MYOM3: variants seen among roughly 807,000 people sequenced by gnomAD.
MYOM3 encodes myomesin 3, also known as myomesin-3.
MYOM3 carries 155 observed loss-of-function variants against 191.7 expected under a neutral mutation model. That is an observed-to-expected ratio of 0.81 (90% CI 0.71 to 0.92). The LOEUF (loss-of-function observed/expected upper bound fraction) is 0.92. Among genes scored for constraint, MYOM3 ranks in the 40% least tolerant of loss-of-function variants. The pLI is 0.00. For synonymous variants in MYOM3, 757 were observed against 762.9 expected (o/e 0.99, Z 0.13); for missense variants, 1,889 against 1,890.6 (o/e 1.00, Z 0.02).
At position 24,087,053 on chromosome 1, in the gene MYOM3, T is replaced by C. The variant is rs1643759530; in HGVS notation, c.1615-226A>G. 6.6e-6 allele frequency among the ~76,000 whole-genome samples: 1 copy of C among 151,984 alleles called. No homozygotes were observed. The highest frequency in any genetic ancestry group is 2.4e-5 in the African/African-American group (1 of 41,392). ...CCTGTCCACAACGCGGCTCCAGAGC[T>C]TCCCACACCTGCATTGCACTGGTGG... On this transcript the variant is annotated intron_variant, in intron 14 of 36. Coordinates refer to ENST00000374434, the MANE Select transcript of MYOM3 (RefSeq NM_152372.4). The surrounding 1 kb of genome is among the most constrained non-coding windows in gnomAD (Gnocchi z 4.5).
In MYOM3 at chr1:24,062,088, A is replaced by G. The variant is rs569295626; in HGVS notation, c.3792T>C (p.Gly1264=). Residue 1264 remains glycine, a synonymous_variant, in exon 33 of 37, where the codon GGT becomes GGC. Transcript: ENST00000374434. The part of the protein sequence containing the change: ...WFHKDKRLES[G]DRIRTGTTLD... ...GGGTGGTGCCCGTCCTTATCCGATC[A>G]CCACTCTCCAGACGTTTGTCTCTGA... 12 of 1,614,078 alleles carry G rather than the reference A, an allele frequency of 7.4e-6. No individual in the cohort carries two copies. In the South Asian group the frequency reaches 9.9e-5, roughly 13 times the overall value.
chr1:24,080,741 T>C (rs957043465), intron 19 of MYOM3, among the ~76,000 whole-genome samples: 1 of 152,230 alleles, frequency 6.6e-6, no homozygotes, highest in Non-Finnish European at 1.5e-5. Flanking sequence ...TGTTTATAAT[T>C]GTGGTTGTCG....
At chr1:24,109,913 C>T (rs367810582) in intron 1 of MYOM3, among the ~76,000 whole-genome samples, 1 of 152,254 alleles carries the variant, frequency 6.6e-6, no homozygotes, top group Non-Finnish European at 1.5e-5. Flanking sequence ...GTACACATCT[C>T]CTTTGCATTC....
chr1:24,064,303 T>A, intron 29 of MYOM3, 144 bp from the exon 30 acceptor site: 1 of 607,538 alleles, frequency 1.6e-6, no homozygotes, highest in South Asian at 2.0e-5. Context: ...TGGGCCTCCA[T>A]TTACTCATCT....
intron 36 of MYOM3, 87 bp downstream of exon 36, chr1:24,058,837 T>C (rs1643333382): frequency 3.0e-6 from 3 of 994,610 alleles, no homozygotes; most frequent in Non-Finnish European, 4.7e-6. Flanking sequence ...TTTGAATCCA[T>C]GGTGCTGCAT....
Position 24,111,598 on chromosome 1 carries a change from G to A in MYOM3, c.-19+433C>T, listed in dbSNP as rs971148512. 6.6e-6 allele frequency among the ~76,000 whole-genome samples: 1 copy of A among 152,120 alleles called. No homozygotes were observed. Among genetic ancestry groups the A allele is most frequent in the East Asian group, 1.9e-4 (1 of 5,198 alleles). ...TCTAAGATTTGGGATCCGAGGGCTC[G>A]CTCTCTTTCCCTGCCTGTGGGGTTG... On this transcript the variant is annotated intron_variant, in intron 1 of 36. Coordinates refer to ENST00000374434, the MANE Select transcript of MYOM3 (RefSeq NM_152372.4). This position sits in a 1 kb window ranked among gnomAD's most constrained non-coding sequence, Gnocchi z 4.7.
chr1:24,081,640 G>T lies in MYOM3; in HGVS notation c.2281-184C>A, dbSNP rs930256638. On this transcript the variant is annotated intron_variant, in intron 18 of 36. Transcript: ENST00000374434. ...TGCAGTGGCATGAACATGGCTCACTGCAGCCTCAACCTTCTGGGCTCATGC... is the reference window on the plus strand; with the variant it reads ...TGCAGTGGCATGAACATGGCTCACTTCAGCCTCAACCTTCTGGGCTCATGC... 3 of 686,298 alleles carry T rather than the reference G, an allele frequency of 4.4e-6. No individual in the cohort carries two copies. The African/African-American group carries it at 5.4e-5, about 12-fold the overall frequency. The allele number at this position is 686,298 out of a possible 1,614,324, so 42.5% of individuals were successfully genotyped here. A position where few individuals can be genotyped will look rare whatever the true frequency, so the allele number is the denominator to read the frequency against.
rs527769196 is a variant in MYOM3 at position 24,063,012 on chromosome 1, G to A, written c.3770+114C>T. On this transcript the variant is annotated intron_variant, in intron 32 of 36. Coordinates refer to ENST00000374434, the MANE Select transcript of MYOM3 (RefSeq NM_152372.4). The surrounding 1 kb of genome is among the most constrained non-coding windows in gnomAD (Gnocchi z 4.5). ...ACCCCTGGGACCAGGCTCTGCTTGG[G>A]GGACCAGAAACTCTGCTTGGAGGAC... 1.6e-6 allele frequency: 1 copy of A among 632,536 alleles called. No individual in the cohort carries two copies. Among genetic ancestry groups the A allele is most frequent in the Non-Finnish European group, 2.8e-6 (1 of 351,196 alleles). 39.2% of individuals were successfully genotyped at this position (632,536 alleles called of 1,614,324 possible).
In MYOM3 at chr1:24,059,431, G is replaced by A. The variant is rs117417410; in HGVS notation, c.3995-452C>T. Among the ~76,000 whole-genome samples, 6 of 152,326 alleles carry A rather than the reference G, an allele frequency of 3.9e-5. No homozygotes were observed. The East Asian group carries it at 9.6e-4, about 24-fold the overall frequency. On this transcript the variant is annotated intron_variant, in intron 35 of 36. Coordinates refer to ENST00000374434, the MANE Select transcript of MYOM3 (RefSeq NM_152372.4). ...ATTATAGGCATGAGCCGCCACACCT[G>A]GCCTTGGATGGAAATCTCTAGAACT... is the stretch of plus-strand genomic sequence containing the variant.
intron 15 of MYOM3, among the ~76,000 whole-genome samples, chr1:24,085,008 C>A (rs1643718374): frequency 1.3e-5 from 2 of 152,122 alleles, no homozygotes; most frequent in Non-Finnish European, 2.9e-5. Context: ...TTTCATGGCT[C>A]CCTGAAACTA....
At chr1:24,062,180 C>T (rs570719958) in intron 32 of MYOM3, 71 bp from the exon 33 acceptor site, 17 of 1,573,782 alleles carry the variant, frequency 1.1e-5, no homozygotes, top group Admixed American at 1.7e-5. Context: ...GCCCCAAAAT[C>T]CTCTCCTCTG....
chr1:24,069,569 A>G (rs1234224640), intron 25 of MYOM3, among the ~76,000 whole-genome samples: 2 of 151,528 alleles, frequency 1.3e-5, no homozygotes, highest in Non-Finnish European at 2.9e-5. Context: ...TGATATATAT[A>G]TAACACATAT....
At chr1:24,106,119 C>G in intron 4 of MYOM3, 42 bp from the exon 5 acceptor site, 1 of 1,548,696 alleles carries the variant, frequency 6.5e-7, no homozygotes, top group Non-Finnish European at 8.7e-7. Context: ...AGCCAGGGAC[C>G]ACCTCTCTGC....
At chr1:24,058,037 C>T (rs1643324648) in intron 36 of MYOM3, among the ~76,000 whole-genome samples, 1 of 152,062 alleles carries the variant, frequency 6.6e-6, no homozygotes, top group Non-Finnish European at 1.5e-5. Context: ...AAACTCCTGA[C>T]CTCAAGTGAT....
intron 5 of MYOM3, among the ~76,000 whole-genome samples, chr1:24,104,311 C>T (rs200668334): frequency 6.6e-6 from 1 of 152,240 alleles, no homozygotes; most frequent in Non-Finnish European, 1.5e-5. Flanking sequence ...TAGGCAACCT[C>T]TTCTGAGAAG....
chr1:24,090,739 A>T, intron 12 of MYOM3, 58 bp downstream of exon 12: 1 of 1,559,886 alleles, frequency 6.4e-7, no homozygotes, highest in Non-Finnish European at 8.8e-7. Context: ...TGTGTGAGAC[A>T]GTCCTGAGGG....
rs766481447 is a variant in MYOM3 at position 24,090,922 on chromosome 1, CCTTGGATTGGGCACCGACA to C, written c.1288_1306del (p.Cys430AlafsTer12). Reference sequence around the variant, plus strand: ...CCGATAGCTCTGACCTTCGACGAGGCCTTGGATTGGGCACCGACAAGTCCCTCCGGGGGCCTCATGGCAG... The same window carrying C: ...CCGATAGCTCTGACCTTCGACGAGGCAGTCCCTCCGGGGGCCTCATGGCAG... On this transcript the variant is annotated frameshift_variant, in exon 12 of 37. Transcript: ENST00000374434. LOFTEE classifies it high-confidence loss of function. The C allele has an allele frequency of 6.2e-7, 1 of 1,614,134 alleles. No individual in the cohort carries two copies. Among genetic ancestry groups the C allele is most frequent in the Non-Finnish European group, 8.5e-7 (1 of 1,179,996 alleles).
intron 20 of MYOM3, among the ~76,000 whole-genome samples, chr1:24,076,521 T>TGAGACAGAGTTTCAC (rs1557606383): frequency 2.4e-5 from 2 of 83,550 alleles, no homozygotes; most frequent in African/African-American, 7.9e-5. Context: ...TTTTTTTTTT[T>TGAGACAGAGTTTCAC]TTTTTTTTTT....
chr1:24,075,088 A>G (rs1380887966), intron 22 of MYOM3, among the ~76,000 whole-genome samples: 1 of 151,822 alleles, frequency 6.6e-6, no homozygotes, highest in Non-Finnish European at 1.5e-5. Context: ...AAAGAAAAGA[A>G]AAGAAAAGAA....
Sources: allele counts gnomAD v4.1 joint callset (sites outside exome capture counted in the v4.1 genomes callset), GRCh38; gene constraint gnomAD v4.1.1; non-coding constraint Gnocchi (gnomAD v3.1); transcripts MANE v1.5; gene names NCBI Gene and HGNC (gene_info 2026-07-23, HGNC 2026-07-21).